Variants in SLC12A1 observed in about 807,000 individuals in gnomAD.
SLC12A1 encodes Na-K-2Cl cotransporter.
Under a neutral mutation model 130.4 loss-of-function variants are expected in SLC12A1, and 89 were observed. The observed-to-expected ratio is 0.68, with a 90% CI of 0.58 to 0.81. The LOEUF (loss-of-function observed/expected upper bound fraction) is 0.81. Among genes scored for constraint, SLC12A1 ranks in the 40% least tolerant of loss-of-function variants. The pLI, the probability that SLC12A1 is intolerant of heterozygous loss-of-function variation, is 0.00. For synonymous variants in SLC12A1, 499 were observed against 460.0 expected, an observed-to-expected ratio of 1.08 and a Z score of -1.09; for missense variants, 1,310 against 1,336.4, an observed-to-expected ratio of 0.98 and a Z score of 0.31.
Position 48,241,704 on chromosome 15 carries a change from G to A in SLC12A1, c.1300+105G>A, listed in dbSNP as rs34059983. ...GCATAAATACAGAGTTTTTTAAAAGGCAACAATTTTAATTCCGTTCTTGGT... is the reference window on the plus strand; with the variant it reads ...GCATAAATACAGAGTTTTTTAAAAGACAACAATTTTAATTCCGTTCTTGGT... On this transcript the variant is annotated intron_variant, in intron 10 of 26. Coordinates refer to ENST00000380993, the MANE Select transcript of SLC12A1 (RefSeq NM_000338.3). 24,684 of 800,756 alleles carry A rather than the reference G, an allele frequency of 0.031. 555 individuals carry two copies. The highest frequency in any genetic ancestry group is 0.098 in the East Asian group (3,929 of 40,282). 49.6% of individuals were successfully genotyped at this position (800,756 alleles called of 1,614,324 possible).
At chr15:48,235,330 A>T in intron 9 of SLC12A1, 1 of 289,482 alleles carries the variant, frequency 3.5e-6, no homozygotes. Flanking sequence ...GAATAGGAAT[A>T]TTTTCCTGTA....
At chr15:48,235,092 T>C in intron 9 of SLC12A1, 88 bp downstream of exon 9, 1 of 1,322,312 alleles carries the variant, frequency 7.6e-7, no homozygotes, top group Non-Finnish European at 1.1e-6. Flanking sequence ...GATGTGACCA[T>C]ATTACCCTAC....
At chr15:48,261,867 A>T (rs1597437589) in intron 17 of SLC12A1, among the ~76,000 whole-genome samples, 1 of 152,268 alleles carries the variant, frequency 6.6e-6, no homozygotes, top group East Asian at 1.9e-4. Flanking sequence ...TAGGCACATA[A>T]TTTCATCTCT....
At chr15:48,256,898 T>C (rs971293777) in intron 16 of SLC12A1, among the ~76,000 whole-genome samples, 1 of 130,622 alleles carries the variant, frequency 7.7e-6, no homozygotes, top group Non-Finnish European at 1.6e-5. Flanking sequence ...AAGTCTTAAC[T>C]CATTTCAGCA....
chr15:48,297,431 A>G (rs1356119655), intron 24 of SLC12A1, among the ~76,000 whole-genome samples: 1 of 152,202 alleles, frequency 6.6e-6, no homozygotes, highest in African/African-American at 2.4e-5. Flanking sequence ...TTGGCTGACA[A>G]TGGCATGGAG....
In SLC12A1 at chr15:48,256,819, C is replaced by G. The variant is rs1456784467; in HGVS notation, c.2042+909C>G. ...CAGCCCAAACCATATCATTCCATCC[C>G]TGGCCCCCCCCCCCAAATTTCTTGT... On this transcript the variant is annotated intron_variant, in intron 16 of 26. Transcript: ENST00000380993. Among the ~76,000 whole-genome samples the G allele has an allele frequency of 5.6e-5, 6 of 106,654 alleles. No homozygotes were observed. The East Asian group carries it at 8.3e-4, about 15-fold the overall frequency. 70.0% of individuals were successfully genotyped at this position (106,654 alleles called of 152,430 possible). A position where few individuals can be genotyped will look rare whatever the true frequency, so the allele number is the denominator to read the frequency against.
At chr15:48,239,247 C>T (rs2041473401) in intron 9 of SLC12A1, among the ~76,000 whole-genome samples, 1 of 152,140 alleles carries the variant, frequency 6.6e-6, no homozygotes, top group Non-Finnish European at 1.5e-5. Flanking sequence ...CATGGTGGCT[C>T]ATGCTTATAA....
At chr15:48,246,794 C>CAAT (rs1555467192) in intron 11 of SLC12A1, 115 bp from the exon 12 acceptor site, 1 of 820,976 alleles carries the variant, frequency 1.2e-6, no homozygotes, top group Non-Finnish European at 2.2e-6. Flanking sequence ...ACAACAACAA[C>CAAT]AAGAAAAGGA....
rs147052770 is a variant in SLC12A1, at chr15:48,211,941, A to C, written c.420+3802A>C. ...TGTTAGTAAAGAGCTAAATACCTAT[A>C]CTGGTGACCGTTAATTATAAATTTC... is the stretch of plus-strand genomic sequence containing the variant. On this transcript the variant is annotated intron_variant, in intron 2 of 26. Coordinates refer to ENST00000380993, the MANE Select transcript of SLC12A1 (RefSeq NM_000338.3). 3.3e-3 allele frequency among the ~76,000 whole-genome samples: 508 copies of C among 152,296 alleles called. 2 individuals are homozygous for C. The highest frequency in any genetic ancestry group is 0.012 in the African/African-American group (489 of 41,576).
chr15:48,278,693 G>T (rs1158654042), intron 20 of SLC12A1, among the ~76,000 whole-genome samples: 2 of 152,064 alleles, frequency 1.3e-5, no homozygotes, highest in Non-Finnish European at 2.9e-5. Context: ...TTTTCTCCTG[G>T]CTTTTGTGCT....
chr15:48,270,566 T>C (rs1027664010), intron 19 of SLC12A1, among the ~76,000 whole-genome samples: 2 of 147,890 alleles, frequency 1.4e-5, no homozygotes, highest in Admixed American at 1.4e-4. Context: ...CGCTATGCTT[T>C]CTCTATATAT....
chr15:48,259,350 C>T (rs1396603896), intron 17 of SLC12A1, 39 bp downstream of exon 17: 11 of 1,298,394 alleles, frequency 8.5e-6, no homozygotes, highest in African/African-American at 1.5e-5. Flanking sequence ...CTTTTTCCTC[C>T]CTGCTTATCT....
Position 48,299,131 on chromosome 15 carries a change from A to ATAATTTTAT in SLC12A1, c.2961-9_2961-8insTAATTTTAT. On this transcript the variant is annotated splice_polypyrimidine_tract_variant and intron_variant, in intron 24 of 26. Coordinates refer to ENST00000380993, the MANE Select transcript of SLC12A1 (RefSeq NM_000338.3). ...CACTGTGAGGCCTCCTTTATAATTC[A>ATAATTTTAT]AATTTTAGCTGGAAAGTCTTTGAAG... 1 of 1,597,746 alleles carries ATAATTTTAT rather than the reference A, an allele frequency of 6.3e-7. No individual in the cohort carries two copies. Among genetic ancestry groups the ATAATTTTAT allele is most frequent in the Non-Finnish European group, 8.5e-7 (1 of 1,174,994 alleles).
intron 22 of SLC12A1, 21 bp downstream of exon 22, chr15:48,288,195 C>T (rs1224624130): frequency 1.2e-6 from 2 of 1,600,224 alleles, no homozygotes; most frequent in South Asian, 1.1e-5. Flanking sequence ...TCAGAAAATA[C>T]ACTAGGGACA....
chr15:48,242,824 A>G (rs1172871489), intron 10 of SLC12A1, among the ~76,000 whole-genome samples: 2 of 151,682 alleles, frequency 1.3e-5, no homozygotes, highest in African/African-American at 4.9e-5. Context: ...ATAGGTAGAT[A>G]AATGTATTGT....
At chr15:48,271,659 C>A (rs1179654365) in intron 19 of SLC12A1, among the ~76,000 whole-genome samples, 1 of 152,160 alleles carries the variant, frequency 6.6e-6, no homozygotes, top group Admixed American at 6.5e-5. Context: ...ATGTGAGGAA[C>A]CTATATATTA....
At chr15:48,291,239 GAA>G (rs1307363365) in intron 23 of SLC12A1, among the ~76,000 whole-genome samples, 1 of 133,836 alleles carries the variant, frequency 7.5e-6, no homozygotes, top group Admixed American at 7.4e-5. Flanking sequence ...CAGTTGCCAG[GAA>G]AAAACCATAT....
intron 13 of SLC12A1, 96 bp from the exon 14 acceptor site, chr15:48,249,479 A>G (rs916650744): frequency 1.5e-5 from 14 of 948,710 alleles, no homozygotes; most frequent in Non-Finnish European, 2.2e-5. Flanking sequence ...CTATGTTTTC[A>G]ATTTCCAAAT....
chr15:48,209,410 C>T (rs1469819879), intron 2 of SLC12A1, among the ~76,000 whole-genome samples: 4 of 152,162 alleles, frequency 2.6e-5, no homozygotes, highest in Admixed American at 2.6e-4. Context: ...ATAACTTTCT[C>T]CAAAATATAC....
Sources: gnomAD v4.1 joint callset for allele counts (sites outside exome capture counted in the v4.1 genomes callset) on GRCh38, gnomAD v4.1.1 for gene constraint, MANE v1.5 for transcripts, NCBI Gene and HGNC (gene_info 2026-07-23, HGNC 2026-07-21) for gene names.